The following APBB2 variants were observed in gnomAD, a reference collection of about 807,000 sequenced individuals.
APBB2 encodes Fe65-like 1.
APBB2 carries 38 observed loss-of-function variants against 82.5 expected under a neutral mutation model. The ratio of observed to expected loss-of-function variants is 0.46; its 90% CI spans 0.36 to 0.60. The LOEUF (loss-of-function observed/expected upper bound fraction) is 0.60, where lower values mean the gene tolerates loss of function less well. APBB2 is among the 20% of genes least tolerant of loss of function. The pLI is 0.00. For synonymous variants in APBB2, 341 were observed against 368.2 expected (o/e 0.93, Z 0.85); for missense variants, 772 against 972.3 (o/e 0.79, Z 2.74).
In APBB2 at chr4:40,823,776, A is replaced by T; in HGVS notation, c.1817-17T>A. 6.3e-7 allele frequency: 1 copy of T among 1,585,664 alleles called. No homozygotes were observed. Among genetic ancestry groups the T allele is most frequent in the South Asian group, 1.1e-5 (1 of 90,500 alleles). ...TATCCATTCCTGGGGACAGAAAAGG[A>T]TAATTTAAAGTGTCCTAAAGCCACT... On this transcript the variant is annotated splice_polypyrimidine_tract_variant and intron_variant, in intron 15 of 17. Transcript: ENST00000508593.
chr4:40,915,491 T>C (rs919663754), intron 10 of APBB2, among the ~76,000 whole-genome samples: 3 of 152,210 alleles, frequency 2.0e-5, no homozygotes, highest in African/African-American at 7.2e-5. Flanking sequence ...GAAGTTGGCC[T>C]TAAAACAATA....
intron 2 of APBB2, among the ~76,000 whole-genome samples, chr4:41,141,338 G>A (rs200521765): frequency 9.0e-6 from 1 of 111,688 alleles, no homozygotes; most frequent in Non-Finnish European, 2.2e-5. Flanking sequence ...GTGTCTGTGT[G>A]TGTGTGTGTC....
rs552394404 is a variant in APBB2, at chr4:40,860,891, A to G, written c.1529+29473T>C. Among the ~76,000 whole-genome samples the G allele has an allele frequency of 2.6e-5, 4 of 152,268 alleles. No individual in the cohort carries two copies. In the South Asian group the frequency reaches 8.3e-4, roughly 32 times the overall value. On this transcript the variant is annotated intron_variant, in intron 12 of 17. Coordinates refer to ENST00000508593, the MANE Select transcript of APBB2 (RefSeq NM_004307.2). ...TACTTATGAGTTAAGGTCCAGATCA[A>G]ACAAATGCCATCTCTCCCATGAGGC... is the stretch of plus-strand genomic sequence containing the variant.
chr4:41,088,193 A>G (rs947009519), intron 3 of APBB2, among the ~76,000 whole-genome samples: 2 of 152,238 alleles, frequency 1.3e-5, no homozygotes, highest in African/African-American at 4.8e-5. Flanking sequence ...TGGTACAACC[A>G]TGATTGTAAA....
At chr4:40,989,437 C>T (rs771980687) in intron 6 of APBB2, among the ~76,000 whole-genome samples, 10 of 152,170 alleles carry the variant, frequency 6.6e-5, no homozygotes, top group Admixed American at 1.3e-4. Context: ...TATGTCACCA[C>T]TTAGCTTTTG....
intron 12 of APBB2, among the ~76,000 whole-genome samples, chr4:40,882,399 A>AG (rs1185147850): frequency 6.6e-6 from 1 of 152,232 alleles, no homozygotes; most frequent in East Asian, 1.9e-4. Context: ...CCCCAGGGCC[A>AG]GGACCTAGAC....
intron 3 of APBB2, among the ~76,000 whole-genome samples, chr4:41,097,073 T>C (rs1046707779): frequency 1.3e-5 from 2 of 152,248 alleles, no homozygotes; most frequent in East Asian, 3.8e-4. Flanking sequence ...TCTATCAGTG[T>C]TCCTTCTGTA....
chr4:40,821,519 G>A (rs1356273558), intron 17 of APBB2, among the ~76,000 whole-genome samples: 1 of 152,214 alleles, frequency 6.6e-6, no homozygotes, highest in African/African-American at 2.4e-5. Context: ...GTCATTCAAT[G>A]TATTGATTTT....
chr4:40,904,000 C>G (rs957307591), intron 10 of APBB2, among the ~76,000 whole-genome samples: 1 of 152,120 alleles, frequency 6.6e-6, no homozygotes, highest in East Asian at 1.9e-4. Flanking sequence ...CATTTGATAG[C>G]GCATGTTTTG....
chr4:41,199,057 C>T (rs1776045374), intron 1 of APBB2, among the ~76,000 whole-genome samples: 1 of 152,202 alleles, frequency 6.6e-6, no homozygotes, highest in African/African-American at 2.4e-5. Flanking sequence ...CCCTAACCTA[C>T]TCTATCCAGT....
At chr4:40,940,866 T>C (rs4634258) in intron 7 of APBB2, among the ~76,000 whole-genome samples, 37,514 of 152,196 alleles carry the variant, frequency 0.25, 4,760 homozygotes, top group Admixed American at 0.29. Context: ...TAAAATTCAA[T>C]ATCCAAGCAG....
At chr4:41,204,657 C>T (rs1318350169) in intron 1 of APBB2, among the ~76,000 whole-genome samples, 2 of 152,186 alleles carry the variant, frequency 1.3e-5, no homozygotes, top group African/African-American at 4.8e-5. Context: ...TCTCTATAGA[C>T]CCAGAGCTCC....
chr4:41,012,235 G>C (rs1808582457), intron 6 of APBB2, among the ~76,000 whole-genome samples: 1 of 152,244 alleles, frequency 6.6e-6, no homozygotes, highest in African/African-American at 2.4e-5. Flanking sequence ...GCCATGACCA[G>C]AGGGAGACAG....
Position 40,930,458 on chromosome 4 carries a change from C to CGCGCGTGCGCGT in APBB2, c.1254+3997_1254+3998insACGCGCACGCGC, listed in dbSNP as rs1553865794. Among the ~76,000 whole-genome samples the CGCGCGTGCGCGT allele has an allele frequency of 1.4e-4, 19 of 133,686 alleles. No homozygotes were observed. The East Asian group carries it at 3.6e-3, about 25-fold the overall frequency. 87.7% of individuals were successfully genotyped at this position (133,686 alleles called of 152,430 possible). ...GTGTGTGTGTGTGTGTGCGCGCGCGCGCGCGCGCGTGCGCGTGCGCGTATG... is the reference window on the plus strand; with the variant it reads ...GTGTGTGTGTGTGTGTGCGCGCGCGCGCGCGTGCGCGTGCGCGCGCGTGCGCGTGCGCGTATG... On this transcript the variant is annotated intron_variant, in intron 10 of 17. Transcript: ENST00000508593.
intron 1 of APBB2, among the ~76,000 whole-genome samples, chr4:41,186,898 C>T (rs1242945333): frequency 6.6e-6 from 1 of 152,266 alleles, no homozygotes; most frequent in South Asian, 2.1e-4. Context: ...GACTCCAAAT[C>T]CATGCATTTG....
At chr4:41,067,775 C>T (rs1402159677) in intron 3 of APBB2, among the ~76,000 whole-genome samples, 1 of 152,198 alleles carries the variant, frequency 6.6e-6, no homozygotes, top group Non-Finnish European at 1.5e-5. Context: ...TAAGAAGTCA[C>T]TGTCCACCTT....
At chr4:40,851,851 G>C (rs956585544) in intron 12 of APBB2, among the ~76,000 whole-genome samples, 5 of 150,750 alleles carry the variant, frequency 3.3e-5, no homozygotes, top group African/African-American at 1.2e-4. Flanking sequence ...GGAAGAAGGG[G>C]GCAGAGAATC....
At chr4:41,001,734 C>T (rs1380412666) in intron 6 of APBB2, among the ~76,000 whole-genome samples, 10 of 151,956 alleles carry the variant, frequency 6.6e-5, no homozygotes, top group Non-Finnish European at 2.9e-5. Context: ...AGAAATTAGC[C>T]GGGCATGGTG....
intron 6 of APBB2, among the ~76,000 whole-genome samples, chr4:40,959,610 C>T (rs1052696471): frequency 2.6e-5 from 4 of 152,148 alleles, no homozygotes; most frequent in African/African-American, 9.7e-5. Context: ...GCAATTGACA[C>T]AGTATTCAAT....
Sources: allele counts gnomAD v4.1 joint callset (sites outside exome capture counted in the v4.1 genomes callset), GRCh38; gene constraint gnomAD v4.1.1; transcripts MANE v1.5; gene names NCBI Gene and HGNC (gene_info 2026-07-23, HGNC 2026-07-21).